Variants in SMARCA1 observed in about 807,000 individuals in gnomAD.
SMARCA1 encodes the protein SWI/SNF-related matrix-associated actin-dependent regulator of chromatin subfamily A member 1.
A neutral mutation model predicts 93.6 loss-of-function variants in SMARCA1; 17 were observed. The ratio of observed to expected loss-of-function variants is 0.18; its 90% CI spans 0.12 to 0.27. The LOEUF (loss-of-function observed/expected upper bound fraction) is 0.27. SMARCA1 is among the 10% of genes least tolerant of loss of function. SMARCA1 has a pLI of 1.00. For synonymous variants in SMARCA1, 271 were observed against 271.4 expected, an observed-to-expected ratio of 1.00 and a Z score of 0.01; for missense variants, 630 against 819.0, an observed-to-expected ratio of 0.77 and a Z score of 2.82.
At chrX:129,494,546 C>G (rs1191136690) in intron 12 of SMARCA1, among the ~76,000 whole-genome samples, 1 of 111,337 alleles carries the variant, frequency 9.0e-6, no homozygotes, top group Non-Finnish European at 1.9e-5. Flanking sequence ...AGGAGGCACA[C>G]AAGGAACGGA....
At chrX:129,487,471 C>T (rs1380286086) in intron 16 of SMARCA1, among the ~76,000 whole-genome samples, 2 of 112,670 alleles carry the variant, frequency 1.8e-5, no homozygotes, top group African/African-American at 3.2e-5. Context: ...ACTAAAAATA[C>T]ACATTTTGCA....
intron 14 of SMARCA1, among the ~76,000 whole-genome samples, chrX:129,491,692 T>C (rs185399271): frequency 2.0e-4 from 22 of 111,896 alleles, no homozygotes; most frequent in African/African-American, 7.1e-4. Flanking sequence ...GACATTTCTA[T>C]TTCATGAAAA....
intron 5 of SMARCA1, 22 bp downstream of exon 5, chrX:129,515,665 T>G (rs1300997702): frequency 9.5e-7 from 1 of 1,055,191 alleles, no homozygotes; most frequent in Non-Finnish European, 1.3e-6. Context: ...TGAGAATGTG[T>G]TTTTAGCTAC....
At chrX:129,487,998 T>A (rs1250889402) in intron 16 of SMARCA1, among the ~76,000 whole-genome samples, 1 of 110,763 alleles carries the variant, frequency 9.0e-6, no homozygotes, top group Non-Finnish European at 1.9e-5. Flanking sequence ...TTCAAAATAA[T>A]CCAAGGAGGG....
intron 23 of SMARCA1, among the ~76,000 whole-genome samples, chrX:129,450,772 T>C (rs751495635): frequency 1.8e-5 from 2 of 111,426 alleles, no homozygotes; most frequent in South Asian, 3.8e-4. Flanking sequence ...CTGATAACTT[T>C]TATTTTTCTC....
chrX:129,513,856 C>T (rs1052510411), intron 5 of SMARCA1, among the ~76,000 whole-genome samples: 3 of 111,527 alleles, frequency 2.7e-5, no homozygotes, highest in African/African-American at 9.8e-5. Context: ...AGTACTTATG[C>T]GACTGACTAC....
chrX:129,515,033 A>G (rs1216991072), intron 5 of SMARCA1, among the ~76,000 whole-genome samples: 1 of 111,210 alleles, frequency 9.0e-6, no homozygotes, highest in Non-Finnish European at 1.9e-5. Flanking sequence ...TGGGTGACAG[A>G]GCGAGACTCC....
intron 12 of SMARCA1, 37 bp downstream of exon 12, chrX:129,496,713 T>C: frequency 1.7e-6 from 2 of 1,184,717 alleles, no homozygotes; most frequent in Non-Finnish European, 2.3e-6. Flanking sequence ...AATTGAACTC[T>C]GATTTCTGAA....
At chrX:129,466,858 C>T (rs1602660791) in intron 21 of SMARCA1, among the ~76,000 whole-genome samples, 2 of 106,829 alleles carry the variant, frequency 1.9e-5, no homozygotes, top group Non-Finnish European at 3.8e-5. Context: ...AAAAAAACCT[C>T]ATTGGGATTT....
chrX:129,451,083 G>A (rs1310461236), intron 23 of SMARCA1, among the ~76,000 whole-genome samples: 1 of 111,644 alleles, frequency 9.0e-6, no homozygotes, highest in Non-Finnish European at 1.9e-5. Flanking sequence ...ATGTAACACT[G>A]GCATGTTCAA....
chrX:129,472,151 G>A, intron 19 of SMARCA1, among the ~76,000 whole-genome samples: 1 of 111,815 alleles, frequency 8.9e-6, no homozygotes, highest in Non-Finnish European at 1.9e-5. Context: ...AGCAGTATGG[G>A]GCTGAACTAT....
Position 129,465,540 on chromosome X carries a change from T to C in SMARCA1, c.3010A>G (p.Ile1004Val). The C allele has an allele frequency of 8.3e-7, 1 of 1,198,734 alleles. No homozygotes were observed. The highest frequency in any genetic ancestry group is 1.1e-6 in the Non-Finnish European group (1 of 885,067). Residue 1004 changes from isoleucine (I) to valine (V), a missense_variant, in exon 23 of 25, where the codon ATC becomes GTC. Ile to Val is a conservative substitution (Grantham distance 29). This residue lies in a region of SMARCA1 where 93 missense variants were observed against 160.8 expected (regional missense o/e 0.58). Coordinates refer to ENST00000371121, the MANE Select transcript of SMARCA1 (RefSeq NM_001282874.2). ...NAPQFRFDWF[I>V]KSRTAMEFQR... ...CATACCATGGCAGTCCTAGACTTGA[T>C]AAACCAGTCAAATCTAAACTGGGGA... is the stretch of plus-strand genomic sequence containing the variant.
At chrX:129,512,590 T>C (rs1935051904) in intron 5 of SMARCA1, among the ~76,000 whole-genome samples, 1 of 111,738 alleles carries the variant, frequency 8.9e-6, no homozygotes, top group African/African-American at 3.2e-5. Context: ...TATGAACCCA[T>C]ACCTAACCCA....
chrX:129,507,707 C>T (rs1192556250), intron 7 of SMARCA1, among the ~76,000 whole-genome samples: 3 of 112,015 alleles, frequency 2.7e-5, no homozygotes, highest in Non-Finnish European at 3.8e-5. Flanking sequence ...GCATGCACCA[C>T]CACACCCTGA....
At chrX:129,486,993 C>T (rs774706845) in intron 17 of SMARCA1, 25 bp downstream of exon 17, 1 of 1,142,204 alleles carries the variant, frequency 8.8e-7, no homozygotes, top group Non-Finnish European at 1.2e-6. Flanking sequence ...ATTTGAGGGT[C>T]TAATGGTTGA....
At chrX:129,471,132 A>C in intron 20 of SMARCA1, 72 bp downstream of exon 20, 5 of 905,367 alleles carry the variant, frequency 5.5e-6, no homozygotes, top group Non-Finnish European at 4.6e-6. Flanking sequence ...CCATACAATA[A>C]AAAGTGTGAT....
At position 129,447,929 on chromosome X, in the gene SMARCA1, T is replaced by A. The variant is rs1033075307; in HGVS notation, c.3141+404A>T. On this transcript the variant is annotated intron_variant, in intron 24 of 24. Coordinates refer to ENST00000371121, the MANE Select transcript of SMARCA1 (RefSeq NM_001282874.2). ...TTTGTTGTCTGCTCAGAGTTCCCAT[T>A]TGTACTCATAATTCCACAAACATCA... 1.2e-4 allele frequency among the ~76,000 whole-genome samples: 13 copies of A among 111,781 alleles called. 1 individual carries two copies. The highest frequency in any genetic ancestry group is 2.4e-4 in the Non-Finnish European group (13 of 53,116).
chrX:129,509,103 CT>C (rs1934930871), intron 6 of SMARCA1, among the ~76,000 whole-genome samples: 1 of 108,995 alleles, frequency 9.2e-6, no homozygotes, highest in Non-Finnish European at 1.9e-5. Flanking sequence ...AGGAGAATCG[CT>C]TGAACCCAGG....
chrX:129,476,002 A>G (rs1046367740), intron 19 of SMARCA1, among the ~76,000 whole-genome samples: 2 of 112,493 alleles, frequency 1.8e-5, no homozygotes, highest in African/African-American at 6.5e-5. Context: ...TAAATGTTAG[A>G]ATGTTCTATA....
Sources: allele counts gnomAD v4.1 joint callset (sites outside exome capture counted in the v4.1 genomes callset), GRCh38; gene constraint gnomAD v4.1.1; regional missense constraint gnomAD v4.1.1; transcripts MANE v1.5; gene names NCBI Gene and HGNC (gene_info 2026-07-23, HGNC 2026-07-21).